Variants in MYLK observed in about 807,000 individuals in gnomAD.
MYLK encodes myosin light chain kinase, smooth muscle.
A neutral mutation model predicts 203.4 loss-of-function variants in MYLK; 106 were observed. That is an observed-to-expected ratio of 0.52 (90% CI 0.45 to 0.61). The LOEUF (loss-of-function observed/expected upper bound fraction) is 0.61, where lower values mean the gene tolerates loss of function less well. Among genes scored for constraint, MYLK ranks in the 20% least tolerant of loss-of-function variants. The pLI is 0.00. For missense variants in MYLK, 2,072 were observed against 2,442.3 expected, an observed-to-expected ratio of 0.85 and a Z score of 3.20; for synonymous variants, 867 against 959.5, an observed-to-expected ratio of 0.90 and a Z score of 1.78.
In MYLK at chr3:123,648,017, C is replaced by A. The variant is rs1284953792; in HGVS notation, c.4416-590G>T. ...CTTCCTTCCACTCCCTACCACTGAC[C>A]CCCTGGTGATGGCCCAGGCAGGGTC... On this transcript the variant is annotated intron_variant, in intron 26 of 33. Coordinates refer to ENST00000360304, the MANE Select transcript of MYLK (RefSeq NM_053025.4). This position sits in a 1 kb window ranked among gnomAD's most constrained non-coding sequence, Gnocchi z 4.5. 1.3e-5 allele frequency among the ~76,000 whole-genome samples: 2 copies of A among 152,192 alleles called. No homozygotes were observed. Among genetic ancestry groups the A allele is most frequent in the Non-Finnish European group, 2.9e-5 (2 of 68,034 alleles).
chr3:123,827,858 G>A (rs936984088), intron 3 of MYLK, among the ~76,000 whole-genome samples: 2 of 147,856 alleles, frequency 1.4e-5, no homozygotes. Flanking sequence ...CAACAAACTA[G>A]CTGAAAAGAA....
intron 4 of MYLK, among the ~76,000 whole-genome samples, chr3:123,767,123 T>C (rs1310111678): frequency 2.0e-5 from 3 of 152,276 alleles, no homozygotes; most frequent in East Asian, 3.9e-4. Context: ...CCCGCCAGTG[T>C]CCCTTTCAAG....
At chr3:123,647,110 C>T in intron 27 of MYLK, 114 bp downstream of exon 27, 2 of 946,668 alleles carry the variant, frequency 2.1e-6, no homozygotes, top group East Asian at 2.6e-5. Context: ...ACATATCACA[C>T]TCCTGTCTGC....
intron 4 of MYLK, among the ~76,000 whole-genome samples, chr3:123,773,979 G>C (rs1271654757): frequency 6.6e-6 from 1 of 152,202 alleles, no homozygotes; most frequent in Middle Eastern, 3.2e-3. Flanking sequence ...CAGAGCCACT[G>C]CCTGTCTCCA....
At position 123,614,297 on chromosome 3, in the gene MYLK, C is replaced by G; in HGVS notation, c.5553G>C (p.Glu1851Asp). 1 of 1,614,160 alleles carries G rather than the reference C, an allele frequency of 6.2e-7. No homozygotes were observed. Among genetic ancestry groups the G allele is most frequent in the Non-Finnish European group, 8.5e-7 (1 of 1,180,016 alleles). The change falls in exon 34 of 34, where the codon GAG becomes GAC. Residue 1851 changes from glutamate (E) to aspartate (D), a missense_variant. Transcript: ENST00000360304. ...CGTAGTCTATCTGGAAGTGGCGGGACTCCCTGATTGACTGGTCATCTTTGA... is the reference window on the plus strand; with the variant it reads ...CGTAGTCTATCTGGAAGTGGCGGGAGTCCCTGATTGACTGGTCATCTTTGA... ...VWFKDDQSIR[E>D]SRHFQIDYDE... is the part of the protein sequence containing the mutation.
At chr3:123,742,229 G>C (rs1373619481) in intron 5 of MYLK, among the ~76,000 whole-genome samples, 1 of 152,010 alleles carries the variant, frequency 6.6e-6, no homozygotes, top group Non-Finnish European at 1.5e-5. Flanking sequence ...ATCCCCACTA[G>C]AACTTCTTAT....
intron 20 of MYLK, among the ~76,000 whole-genome samples, chr3:123,675,054 G>A (rs1255356150): frequency 2.0e-5 from 3 of 152,168 alleles, no homozygotes; most frequent in Admixed American, 6.5e-5. Context: ...CTGTTAACCC[G>A]GGAATTCCCA....
At chr3:123,719,128 C>A (rs1250971978) in intron 13 of MYLK, among the ~76,000 whole-genome samples, 2 of 152,156 alleles carry the variant, frequency 1.3e-5, no homozygotes, top group African/African-American at 4.8e-5. Flanking sequence ...CCAGCAATCT[C>A]GATGATTGCA....
chr3:123,704,231 T>A (rs1406437826), intron 16 of MYLK, among the ~76,000 whole-genome samples: 1 of 152,254 alleles, frequency 6.6e-6, no homozygotes, highest in Non-Finnish European at 1.5e-5. Context: ...CCTACAGCCA[T>A]ACCCTTAAAT....
intron 3 of MYLK, among the ~76,000 whole-genome samples, chr3:123,801,385 GTCT>G (rs1215450535): frequency 1.3e-5 from 2 of 152,146 alleles, no homozygotes; most frequent in Non-Finnish European, 2.9e-5. Context: ...GGGAAAAGTG[GTCT>G]TCTTTATTTT....
intron 3 of MYLK, among the ~76,000 whole-genome samples, chr3:123,823,510 G>A (rs1484723534): frequency 6.6e-6 from 1 of 151,998 alleles, no homozygotes; most frequent in East Asian, 1.9e-4. Flanking sequence ...CAATCCATAA[G>A]CAGCTCTGAC....
chr3:123,793,609 G>A (rs574739935), intron 4 of MYLK, 68 bp downstream of exon 4: 1 of 1,579,056 alleles, frequency 6.3e-7, no homozygotes, highest in Non-Finnish European at 8.7e-7. Flanking sequence ...CCAGGAAAAG[G>A]CTTGACAAGG....
chr3:123,723,829 T>C (rs1043413525), intron 12 of MYLK, among the ~76,000 whole-genome samples: 2 of 152,256 alleles, frequency 1.3e-5, no homozygotes, highest in African/African-American at 4.8e-5. Context: ...GACAGCAAGC[T>C]ATGGCTCCTG....
intron 2 of MYLK, among the ~76,000 whole-genome samples, chr3:123,832,355 T>C (rs2066358039): frequency 6.6e-6 from 1 of 152,174 alleles, no homozygotes; most frequent in Non-Finnish European, 1.5e-5. Flanking sequence ...AAGAGGGAAA[T>C]AAATACCTAC....
chr3:123,792,241 A>G (rs2064809021), intron 4 of MYLK, among the ~76,000 whole-genome samples: 1 of 152,236 alleles, frequency 6.6e-6, no homozygotes, highest in Non-Finnish European at 1.5e-5. Flanking sequence ...CAGAAGCAGT[A>G]TGGTAGGAGA....
At position 123,884,237 on chromosome 3, in the gene MYLK, C is replaced by T. The variant is rs1354617077; in HGVS notation, c.-217G>A. 1.3e-5 allele frequency: 2 copies of T among 149,944 alleles called. No individual in the cohort carries two copies. Among genetic ancestry groups the T allele is most frequent in the African/African-American group, 4.9e-5 (2 of 41,224 alleles). 9.3% of individuals were successfully genotyped at this position (149,944 alleles called of 1,614,324 possible). A position where few individuals can be genotyped will look rare whatever the true frequency, so the allele number is the denominator to read the frequency against. ...GGCGAAGGCGGCCCGGGAGCCGGGG[C>T]ACCGGCGCTCGGCGGGGCGCCCCGG... is the stretch of plus-strand genomic sequence containing the variant. On this transcript the variant is annotated 5_prime_UTR_variant, in exon 1 of 34. Coordinates refer to ENST00000360304, the MANE Select transcript of MYLK (RefSeq NM_053025.4).
chr3:123,783,202 A>C (rs1272471213), intron 4 of MYLK, among the ~76,000 whole-genome samples: 1 of 152,162 alleles, frequency 6.6e-6, no homozygotes, highest in Non-Finnish European at 1.5e-5. Flanking sequence ...ATAGTGTCAA[A>C]AGCAGAATTC....
At chr3:123,861,932 C>T (rs1325619395) in intron 2 of MYLK, among the ~76,000 whole-genome samples, 2 of 152,212 alleles carry the variant, frequency 1.3e-5, no homozygotes, top group Non-Finnish European at 2.9e-5. Flanking sequence ...TGAGGTGTCA[C>T]CCCTTCCGCA....
At chr3:123,707,669 T>G (rs1015174869) in intron 16 of MYLK, 85 bp downstream of exon 16, 27 of 1,607,742 alleles carry the variant, frequency 1.7e-5, no homozygotes, top group Non-Finnish European at 2.2e-5. Flanking sequence ...AGTTTGTGCT[T>G]CTTCTGGCTG....
Sources: gnomAD v4.1 joint callset for allele counts (sites outside exome capture counted in the v4.1 genomes callset) on GRCh38, gnomAD v4.1.1 for gene constraint, Gnocchi (gnomAD v3.1) non-coding constraint, MANE v1.5 for transcripts, NCBI Gene and HGNC (gene_info 2026-07-23, HGNC 2026-07-21) for gene names.